The following TSFM variants were observed in gnomAD, a reference collection of about 807,000 sequenced individuals.
TSFM encodes Ts translation elongation factor, mitochondrial.
TSFM carries 29 observed loss-of-function variants against 33.4 expected under a neutral mutation model. That is an observed-to-expected ratio of 0.87 (90% CI 0.65 to 1.18). TSFM has a LOEUF of 1.18. Ranked by LOEUF, TSFM falls within the 50% of genes most tolerant of loss-of-function variation. The probability of loss-of-function intolerance (pLI) is 0.00; values close to 1 mark genes in which losing one functional copy is unlikely to be tolerated. For synonymous variants in TSFM, 178 were observed against 163.5 expected (o/e 1.09, Z -0.68); for missense variants, 394 against 395.6 (o/e 1.00, Z 0.04).
chr12:57,786,888 G>A (rs1955597915), intron 3 of TSFM, among the ~76,000 whole-genome samples, 152 bp from the exon 4 acceptor site: 1 of 152,342 alleles, frequency 6.6e-6, no homozygotes, highest in African/African-American at 2.4e-5. Flanking sequence ...CAGGCTAGGA[G>A]AGGAAGCGTA....
rs1032120239 is a variant in TSFM, at chr12:57,782,971, A to T, written c.57+113A>T. 6 of 1,473,514 alleles carry T rather than the reference A, an allele frequency of 4.1e-6. No homozygotes were observed. In the African/African-American group the frequency reaches 5.6e-5, roughly 14 times the overall value. The allele number at this position is 1,473,514 out of a possible 1,614,324, so 91.3% of individuals were successfully genotyped here. A position where few individuals can be genotyped will look rare whatever the true frequency, so the allele number is the denominator to read the frequency against. ...ACTCCATCTCACCTTCCCCGACAGCATTGCCTCTGCCCAGTCCAGCCCCGG... is the reference window on the plus strand; with the variant it reads ...ACTCCATCTCACCTTCCCCGACAGCTTTGCCTCTGCCCAGTCCAGCCCCGG... On this transcript the variant is annotated intron_variant, in intron 1 of 5. Coordinates refer to ENST00000652027, the MANE Select transcript of TSFM (RefSeq NM_005726.6).
In TSFM at chr12:57,797,340, G is replaced by A. The variant is rs773569362; in HGVS notation, c.*757G>A. 87 of 985,164 alleles carry A rather than the reference G, an allele frequency of 8.8e-5. No individual in the cohort carries two copies. Among genetic ancestry groups the A allele is most frequent in the Non-Finnish European group, 9.5e-5 (79 of 829,904 alleles). The allele number at this position is 985,164 out of a possible 1,614,324, so 61.0% of individuals were successfully genotyped here. On this transcript the variant is annotated 3_prime_UTR_variant, in exon 6 of 6. Transcript: ENST00000652027. ...TCTTCAAGTATAACATAAAATTACC[G>A]TAACAAGCAGACCCAGAATACTGAA...
At chr12:57,792,501 G>A (rs1273848237) in intron 4 of TSFM, among the ~76,000 whole-genome samples, 1 of 152,148 alleles carries the variant, frequency 6.6e-6, no homozygotes, top group African/African-American at 2.4e-5. Context: ...AGAATAAAAT[G>A]TTTATAAAGA....
downstream of TSFM, chr12:57,800,562 T>G (rs1595155115): frequency 6.5e-6 from 1 of 152,940 alleles, no homozygotes; most frequent in East Asian, 1.9e-4. Flanking sequence ...ATGACTTTAA[T>G]CTCTCCTTAA....
At chr12:57,802,113 T>G, downstream of TSFM, 244 of 1,592,394 alleles carry the variant, frequency 1.5e-4, no homozygotes, top group Non-Finnish European at 1.9e-4. Context: ...TGAGCTGTTC[T>G]GAGCTACCTG....
At chr12:57,783,752 C>T (rs1955548482) in intron 2 of TSFM, 4 of 577,654 alleles carry the variant, frequency 6.9e-6, no homozygotes, top group African/African-American at 1.9e-5. Context: ...CGCCACGACA[C>T]CCGGCTATTT....
At chr12:57,791,575 T>G (rs1361890765) in intron 4 of TSFM, among the ~76,000 whole-genome samples, 1 of 152,242 alleles carries the variant, frequency 6.6e-6, no homozygotes, top group Non-Finnish European at 1.5e-5. Flanking sequence ...ACTTATAATC[T>G]GCTTTTTTCA....
chr12:57,793,587 T>C (rs1039490224), intron 5 of TSFM, among the ~76,000 whole-genome samples: 6 of 152,194 alleles, frequency 3.9e-5, no homozygotes, highest in African/African-American at 1.4e-4. Context: ...TGTAACCAAT[T>C]GTTATATCTA....
downstream of TSFM, chr12:57,800,241 G>A (rs1955819555): frequency 1.8e-5 from 4 of 218,826 alleles, no homozygotes; most frequent in South Asian, 3.8e-4. Context: ...CTTTTATTTA[G>A]CCCTGCATTT....
chr12:57,793,158 C>A, intron 5 of TSFM, 85 bp downstream of exon 5: 1 of 1,179,048 alleles, frequency 8.5e-7, no homozygotes, highest in Non-Finnish European at 1.2e-6. Flanking sequence ...GGTCAAGAAT[C>A]ATGTGCCTAC....
chr12:57,783,131 T>C lies in TSFM; in HGVS notation c.79T>C (p.Ser27Pro). ...CTAGGCTGGGTCTCTTCTGCGTCAG[T>C]CGCCCCAGCCAAGGCACACATTTTA... ...SYPAGSLLRQSPQPRHTFYAG... is the reference protein window; with the variant it reads ...SYPAGSLLRQPPQPRHTFYAG... Residue 27 changes from serine to proline, a missense_variant, in exon 2 of 6, where the codon TCG becomes CCG. By Grantham distance (74) the Ser-to-Pro change is moderately conservative. Coordinates refer to ENST00000652027, the MANE Select transcript of TSFM (RefSeq NM_005726.6). The C allele has an allele frequency of 6.2e-7, 1 of 1,611,374 alleles. No homozygotes were observed. The highest frequency in any genetic ancestry group is 1.1e-5 in the South Asian group (1 of 91,078).
In TSFM at chr12:57,796,402, T is replaced by G. The variant is rs146777264; in HGVS notation, c.797T>G (p.Leu266Arg). The G allele has an allele frequency of 1.0e-5, 16 of 1,602,604 alleles. No individual in the cohort carries two copies. The highest frequency in any genetic ancestry group is 1.4e-5 in the Non-Finnish European group (16 of 1,174,406). The change falls in exon 6 of 6, where the codon CTC becomes CGC. Residue 266 changes from leucine to arginine, a missense_variant. Physicochemically the swap from Leu to Arg is moderately radical, Grantham distance 102. This residue lies in a region of TSFM where 186 missense variants were observed against 198.8 expected (regional missense o/e 0.94). Transcript: ENST00000652027. Reference protein sequence around the residue: ...LGQHVVGMAPLSVGSLDDEPG... With the variant: ...LGQHVVGMAPRSVGSLDDEPG... ...CAGCATGTGGTGGGCATGGCCCCCCTCTCTGTTGGCTCCCTGGACGATGAG... is the reference window on the plus strand; with the variant it reads ...CAGCATGTGGTGGGCATGGCCCCCCGCTCTGTTGGCTCCCTGGACGATGAG...
downstream of TSFM, chr12:57,799,858 T>C (rs1196704592): frequency 2.5e-6 from 4 of 1,614,144 alleles, no homozygotes; most frequent in Non-Finnish European, 3.4e-6. Flanking sequence ...ACAGAACTGC[T>C]ATAGGGTAAT....
At chr12:57,797,809 G>A, downstream of TSFM, 2 of 1,191,222 alleles carry the variant, frequency 1.7e-6, no homozygotes, top group Non-Finnish European at 2.3e-6. Flanking sequence ...GAAATTGGTG[G>A]ATAAATTATT....
intron 3 of TSFM, 145 bp from the exon 4 acceptor site, chr12:57,786,895 C>T (rs754010132): frequency 2.1e-5 from 17 of 806,026 alleles, no homozygotes; most frequent in South Asian, 4.0e-5. Context: ...GGAGAGGAAG[C>T]GTAGCTTTAA....
In TSFM at chr12:57,796,821, A is replaced by T; in HGVS notation, c.*238A>T. 8.6e-7 allele frequency: 1 copy of T among 1,165,506 alleles called. No homozygotes were observed. The highest frequency in any genetic ancestry group is 1.1e-6 in the Non-Finnish European group (1 of 947,666). The allele number at this position is 1,165,506 out of a possible 1,614,324, so 72.2% of individuals were successfully genotyped here. A position where few individuals can be genotyped will look rare whatever the true frequency, so the allele number is the denominator to read the frequency against. On this transcript the variant is annotated 3_prime_UTR_variant, in exon 6 of 6. Coordinates refer to ENST00000652027, the MANE Select transcript of TSFM (RefSeq NM_005726.6). ...ATAGTGTCGTGGAGAACAGGCATCAACAATACTGCTGCTCCCTTCAACATA... is the reference window on the plus strand; with the variant it reads ...ATAGTGTCGTGGAGAACAGGCATCATCAATACTGCTGCTCCCTTCAACATA...
Position 57,797,382 on chromosome 12 carries a change from C to T in TSFM, c.*799C>T, listed in dbSNP as rs946197001. The T allele has an allele frequency of 1.0e-6, 1 of 985,242 alleles. No homozygotes were observed. The highest frequency in any genetic ancestry group is 1.2e-6 in the Non-Finnish European group (1 of 829,912). 61.0% of individuals were successfully genotyped at this position (985,242 alleles called of 1,614,324 possible). On this transcript the variant is annotated 3_prime_UTR_variant, in exon 6 of 6. Coordinates refer to ENST00000652027, the MANE Select transcript of TSFM (RefSeq NM_005726.6). ...AATACTGAAAATAACTCCATTTGTTCATTATAGGTATCTTTATTTGAAAAG... is the reference window on the plus strand; with the variant it reads ...AATACTGAAAATAACTCCATTTGTTTATTATAGGTATCTTTATTTGAAAAG...
chr12:57,797,610 T>G, downstream of TSFM: 1 of 929,052 alleles, frequency 1.1e-6, no homozygotes, highest in South Asian at 5.1e-5. Flanking sequence ...TTCTTTTGAT[T>G]TCTCCAGATT....
In TSFM at chr12:57,796,745, A is replaced by G; in HGVS notation, c.*162A>G. On this transcript the variant is annotated 3_prime_UTR_variant, in exon 6 of 6. Coordinates refer to ENST00000652027, the MANE Select transcript of TSFM (RefSeq NM_005726.6). ...TTTTTCCTTGTTTGCGTAATACTGGATTTAGCTTTTCTGTGCCTTTCAAAA... is the reference window on the plus strand; with the variant it reads ...TTTTTCCTTGTTTGCGTAATACTGGGTTTAGCTTTTCTGTGCCTTTCAAAA... 1 of 1,230,160 alleles carries G rather than the reference A, an allele frequency of 8.1e-7. No homozygotes were observed. Among genetic ancestry groups the G allele is most frequent in the Non-Finnish European group, 1.0e-6 (1 of 987,084 alleles). 76.2% of individuals were successfully genotyped at this position (1,230,160 alleles called of 1,614,324 possible).
Sources: allele counts gnomAD v4.1 joint callset (sites outside exome capture counted in the v4.1 genomes callset), GRCh38; gene constraint gnomAD v4.1.1; regional missense constraint gnomAD v4.1.1; transcripts MANE v1.5; gene names NCBI Gene and HGNC (gene_info 2026-07-23, HGNC 2026-07-21).